Variants in AP3B1 observed in about 807,000 individuals in gnomAD.
The protein encoded by AP3B1 is adaptor related protein complex 3 subunit beta 1.
In AP3B1, 61 loss-of-function variants were observed where a neutral mutation model predicts 132.5. The observed-to-expected ratio is 0.46, with a 90% CI of 0.37 to 0.57. The LOEUF (loss-of-function observed/expected upper bound fraction) is 0.57. AP3B1 is among the 20% of genes least tolerant of loss of function. The pLI, the probability that AP3B1 is intolerant of heterozygous loss-of-function variation, is 0.00. For synonymous variants in AP3B1, 388 were observed against 438.3 expected, an observed-to-expected ratio of 0.89 and a Z score of 1.43; for missense variants, 1,120 against 1,289.4, an observed-to-expected ratio of 0.87 and a Z score of 2.01.
intron 1 of AP3B1, among the ~76,000 whole-genome samples, chr5:78,272,680 G>C (rs1183052869): frequency 6.6e-6 from 1 of 152,222 alleles, no homozygotes; most frequent in Admixed American, 6.5e-5. Flanking sequence ...AAGGAAAGAA[G>C]GAGGCAATTT....
rs1372484367 is a variant in AP3B1, at chr5:78,002,987, G to A, written c.3200C>T (p.Thr1067Ile). Residue 1067 changes from threonine (T) to isoleucine (I), a missense_variant, in exon 27 of 27, where the codon ACA (threonine) becomes ATA (isoleucine). By Grantham distance (89) the Thr-to-Ile change is moderately conservative. This residue lies in a region of AP3B1 where 906 missense variants were observed against 997.1 expected (regional missense o/e 0.91). Transcript: ENST00000255194. The part of the protein sequence containing the change: ...LVTVELKEGS[T>I]AQLIINTEKT... ...CTCAGTGTTTATGATAAGCTGGGCTGTAGAGCCTTCCTTCAGTTCCACTGT... is the reference window on the plus strand; with the variant it reads ...CTCAGTGTTTATGATAAGCTGGGCTATAGAGCCTTCCTTCAGTTCCACTGT... 1.5e-5 allele frequency: 25 copies of A among 1,614,078 alleles called. No individual in the cohort carries two copies. The East Asian group carries it at 5.6e-4, about 36-fold the overall frequency.
At chr5:78,157,569 T>C (rs1743202171) in intron 13 of AP3B1, among the ~76,000 whole-genome samples, 1 of 152,152 alleles carries the variant, frequency 6.6e-6, no homozygotes, top group Non-Finnish European at 1.5e-5. Context: ...CCTGACCTTA[T>C]GAAATGAATC....
chr5:78,184,634 G>A (rs1328699688), intron 7 of AP3B1, among the ~76,000 whole-genome samples: 1 of 150,258 alleles, frequency 6.7e-6, no homozygotes, highest in East Asian at 2.0e-4. Flanking sequence ...ATTGCAGTAA[G>A]CCGAGATTGG....
Position 78,005,174 on chromosome 5 carries a change from A to G in AP3B1, c.3132-2119T>C, listed in dbSNP as rs545995372. Among the ~76,000 whole-genome samples, 11 of 152,316 alleles carry G rather than the reference A, an allele frequency of 7.2e-5. No individual in the cohort carries two copies. The South Asian group carries it at 2.3e-3, about 32-fold the overall frequency. On this transcript the variant is annotated intron_variant, in intron 26 of 26. Transcript: ENST00000255194. The stretch of plus-strand genomic sequence containing the variant: ...CATCACGTGTGTAATTCACTCAACA[A>G]ATATTTCAACAGAGGTCCCTATTTC...
intron 2 of AP3B1, among the ~76,000 whole-genome samples, chr5:78,250,226 C>G (rs1747573395): frequency 6.6e-6 from 1 of 152,032 alleles, no homozygotes; most frequent in South Asian, 2.1e-4. Context: ...GACAACATAC[C>G]AAACAGCAGA....
chr5:78,005,489 A>G (rs949243164), intron 26 of AP3B1, among the ~76,000 whole-genome samples: 2 of 152,236 alleles, frequency 1.3e-5, no homozygotes, highest in Non-Finnish European at 2.9e-5. Flanking sequence ...TTGAAATCCT[A>G]TTGCCACAAA....
chr5:78,041,230 C>G (rs957955956), intron 22 of AP3B1, among the ~76,000 whole-genome samples: 2 of 150,054 alleles, frequency 1.3e-5, no homozygotes, highest in Non-Finnish European at 3.0e-5. Flanking sequence ...GCTGAGATCG[C>G]GCCATTGCAC....
chr5:78,257,184 G>T (rs1163003803), intron 2 of AP3B1, among the ~76,000 whole-genome samples: 2 of 152,070 alleles, frequency 1.3e-5, no homozygotes, highest in African/African-American at 4.8e-5. Context: ...AATCAGACAA[G>T]AGAAAGACAT....
intron 14 of AP3B1, among the ~76,000 whole-genome samples, chr5:78,155,917 T>G (rs1743129944): frequency 1.3e-5 from 2 of 152,304 alleles, no homozygotes; most frequent in South Asian, 4.2e-4. Context: ...GTATTGTTTC[T>G]AACTCCTCTC....
chr5:78,059,232 T>C (rs1012633001), intron 22 of AP3B1, among the ~76,000 whole-genome samples: 1 of 152,266 alleles, frequency 6.6e-6, no homozygotes, highest in South Asian at 2.1e-4. Flanking sequence ...AAAAGAGCCA[T>C]GAACCAAGGA....
chr5:78,258,544 T>C (rs1211962719), intron 2 of AP3B1, among the ~76,000 whole-genome samples: 3 of 152,178 alleles, frequency 2.0e-5, no homozygotes, highest in African/African-American at 7.2e-5. Context: ...CAACAACAAA[T>C]GCTGGTGAGG....
At chr5:78,291,517 T>C (rs1749525822) in intron 1 of AP3B1, among the ~76,000 whole-genome samples, 1 of 149,364 alleles carries the variant, frequency 6.7e-6, no homozygotes, top group Admixed American at 6.7e-5. Flanking sequence ...AACCTATGCC[T>C]CCAAATGTAA....
rs755553144 is a variant in AP3B1, at chr5:78,267,525, C to T, written c.199G>A (p.Val67Ile). 1 of 1,609,240 alleles carries T rather than the reference C, an allele frequency of 6.2e-7. No individual in the cohort carries two copies. The highest frequency in any genetic ancestry group is 8.5e-7 in the Non-Finnish European group (1 of 1,176,856). ...TAAATGAGTATTTTACCTACCCCAA[C>T]AATCCGCTTCATAGCATCCAGTTTA... Reference protein sequence around the residue: ...SAKLDAMKRIVGMIAKGKNAS... With the variant: ...SAKLDAMKRIIGMIAKGKNAS... Residue 67 changes from valine (V) to isoleucine (I), a missense_variant, in exon 2 of 27, where the codon GTT becomes ATT. Around this residue, in one of 3 missense-constraint regions of AP3B1, gnomAD observed 129 missense variants for 212.4 expected, o/e 0.61. Coordinates refer to ENST00000255194, the MANE Select transcript of AP3B1 (RefSeq NM_003664.5).
rs537594289 is a variant in AP3B1, at chr5:78,294,425, C to A, written c.128+27G>T. On this transcript the variant is annotated intron_variant, in intron 1 of 26. Transcript: ENST00000255194. ...CGAGTCCGCAGCTCCTCCCTCCCATCCCCGCAACCCAAACCTTTCTCCTCA... is the reference window on the plus strand; with the variant it reads ...CGAGTCCGCAGCTCCTCCCTCCCATACCCGCAACCCAAACCTTTCTCCTCA... 1.4e-5 allele frequency: 23 copies of A among 1,613,852 alleles called. No homozygotes were observed. The South Asian group carries it at 2.5e-4, about 18-fold the overall frequency.
intron 3 of AP3B1, among the ~76,000 whole-genome samples, chr5:78,237,800 G>A (rs970531986): frequency 4.6e-5 from 7 of 152,120 alleles, no homozygotes; most frequent in Admixed American, 3.3e-4. Flanking sequence ...GCAACACAGC[G>A]AGACCCTGTC....
At chr5:78,048,067 G>A (rs1265062090) in intron 22 of AP3B1, among the ~76,000 whole-genome samples, 1 of 152,318 alleles carries the variant, frequency 6.6e-6, no homozygotes, top group South Asian at 2.1e-4. Flanking sequence ...TGGAATCTGC[G>A]CAATGGTGCC....
chr5:78,174,441 G>C (rs954128853), intron 11 of AP3B1, among the ~76,000 whole-genome samples: 1 of 152,174 alleles, frequency 6.6e-6, no homozygotes, highest in African/African-American at 2.4e-5. Context: ...TAACAGTCAG[G>C]TTCGTCAGCT....
intron 21 of AP3B1, among the ~76,000 whole-genome samples, chr5:78,099,622 C>CGT (rs1442507550): frequency 6.6e-6 from 1 of 151,936 alleles, no homozygotes; most frequent in African/African-American, 2.4e-5. Context: ...GTCAGTGGGG[C>CGT]GTGGTGGCTC....
chr5:78,193,770 A>ATTTTT lies in AP3B1; in HGVS notation c.787-12113_787-12109dup, dbSNP rs35190275. ...TATATATATATATATATATATATAT[A>ATTTTT]TTTTTTTTTTAGACAGAGTCTCGCT... On this transcript the variant is annotated intron_variant, in intron 7 of 26. Transcript: ENST00000255194. Among the ~76,000 whole-genome samples, 340 of 67,180 alleles carry ATTTTT rather than the reference A, an allele frequency of 5.1e-3. 11 individuals carry two copies. Among genetic ancestry groups the ATTTTT allele is most frequent in the African/African-American group, 0.017 (321 of 19,188 alleles). 44.1% of individuals were successfully genotyped at this position (67,180 alleles called of 152,430 possible).
Sources: allele counts gnomAD v4.1 joint callset (sites outside exome capture counted in the v4.1 genomes callset), GRCh38; gene constraint gnomAD v4.1.1; regional missense constraint gnomAD v4.1.1; transcripts MANE v1.5; gene names NCBI Gene and HGNC (gene_info 2026-07-23, HGNC 2026-07-21).